PCSK1: variants seen among roughly 807,000 people sequenced by gnomAD.
PCSK1 encodes proprotein convertase subtilisin/kexin type 1.
In PCSK1, 56 loss-of-function variants were observed where a neutral mutation model predicts 90.6. The observed-to-expected ratio is 0.62, with a 90% CI of 0.50 to 0.77. PCSK1 has a LOEUF of 0.77. Among genes scored for constraint, PCSK1 ranks in the 30% least tolerant of loss-of-function variants. PCSK1 has a pLI of 0.00. For missense variants in PCSK1, 801 were observed against 932.6 expected (o/e 0.86, Z 1.84); for synonymous variants, 348 against 342.4 (o/e 1.02, Z -0.18).
At chr5:96,431,710 C>T (rs1223067339) in intron 1 of PCSK1, among the ~76,000 whole-genome samples, 1 of 152,178 alleles carries the variant, frequency 6.6e-6, no homozygotes, top group Non-Finnish European at 1.5e-5. Context: ...CTAGCAAGAG[C>T]AGGCGAATTC....
intron 3 of PCSK1, among the ~76,000 whole-genome samples, chr5:96,425,364 C>T (rs1390220824): frequency 1.3e-5 from 2 of 152,168 alleles, no homozygotes; most frequent in Non-Finnish European, 2.9e-5. Flanking sequence ...TCTTGTGTTC[C>T]TTCTTTTAAC....
intron 10 of PCSK1, 64 bp from the exon 11 acceptor site, chr5:96,399,100 A>G (rs1194705716): frequency 6.1e-6 from 7 of 1,138,250 alleles, no homozygotes; most frequent in Middle Eastern, 2.1e-4. Flanking sequence ...TTTTATGCAT[A>G]TCTGCATGCA....
rs753087192 is a variant in PCSK1, at chr5:96,393,396, A to G, written c.1885-18T>C. On this transcript the variant is annotated intron_variant, in intron 13 of 13. Coordinates refer to ENST00000311106, the MANE Select transcript of PCSK1 (RefSeq NM_000439.5). ...GGCTGCTCCTAAAACATAGAATGCC[A>G]TCCACAAAGGGAAGAAGGTTCATTA... 5 of 1,613,192 alleles carry G rather than the reference A, an allele frequency of 3.1e-6. No homozygotes were observed. The South Asian group carries it at 3.3e-5, about 11-fold the overall frequency.
At chr5:96,416,787 A>G (rs1760950556) in intron 5 of PCSK1, among the ~76,000 whole-genome samples, 1 of 152,190 alleles carries the variant, frequency 6.6e-6, no homozygotes. Context: ...CCTGAACATG[A>G]TTGGTTTTGC....
At chr5:96,396,081 C>T (rs1760130101) in intron 12 of PCSK1, among the ~76,000 whole-genome samples, 1 of 151,984 alleles carries the variant, frequency 6.6e-6, no homozygotes, top group Non-Finnish European at 1.5e-5. Flanking sequence ...AAGAACAGGC[C>T]CAGATGCTAA....
At chr5:96,403,331 T>G (rs1463862478) in intron 9 of PCSK1, among the ~76,000 whole-genome samples, 3 of 152,210 alleles carry the variant, frequency 2.0e-5, no homozygotes, top group African/African-American at 7.2e-5. Context: ...TTGTTACATA[T>G]GTACACATGT....
chr5:96,432,300 A>G, intron 1 of PCSK1: 1 of 626,334 alleles, frequency 1.6e-6, no homozygotes, highest in Non-Finnish European at 2.8e-6. Context: ...CGGCCTCCCA[A>G]CCTCCTGGTC....
intron 4 of PCSK1, 26 bp downstream of exon 4, chr5:96,423,285 TCA>T: frequency 6.3e-7 from 1 of 1,591,140 alleles, no homozygotes; most frequent in Admixed American, 1.7e-5. Flanking sequence ...GCTCCCTAAG[TCA>T]CAGTCATGAG....
chr5:96,430,255 C>G (rs929182421), intron 1 of PCSK1, among the ~76,000 whole-genome samples: 7 of 152,190 alleles, frequency 4.6e-5, no homozygotes, highest in African/African-American at 1.4e-4. Context: ...TTGAGCTAGT[C>G]TCCCTTTACT....
chr5:96,400,612 C>G (rs948113324), intron 9 of PCSK1, among the ~76,000 whole-genome samples: 1 of 152,240 alleles, frequency 6.6e-6, no homozygotes, highest in Non-Finnish European at 1.5e-5. Flanking sequence ...GAGGCCTTGA[C>G]TTCCTTCTTA....
chr5:96,397,037 AG>A (rs1760176462), intron 12 of PCSK1, among the ~76,000 whole-genome samples: 1 of 152,244 alleles, frequency 6.6e-6, no homozygotes, highest in South Asian at 2.1e-4. Context: ...TTGGCTGAAT[AG>A]GTTAGATGGC....
chr5:96,415,180 T>TA (rs757410867), intron 6 of PCSK1, among the ~76,000 whole-genome samples: 1 of 152,224 alleles, frequency 6.6e-6, no homozygotes, highest in Non-Finnish European at 1.5e-5. Flanking sequence ...TCTTCTCCAT[T>TA]AGAACATGGA....
chr5:96,406,377 C>T (rs970372627), intron 9 of PCSK1, among the ~76,000 whole-genome samples: 1 of 152,160 alleles, frequency 6.6e-6, no homozygotes, highest in African/African-American at 2.4e-5. Context: ...CCATCTACTT[C>T]CTATTATAAG....
In PCSK1 at chr5:96,400,187, C is replaced by T. The variant is rs772581035; in HGVS notation, c.1197-1G>A. 6.2e-7 allele frequency: 1 copy of T among 1,610,342 alleles called. No homozygotes were observed. The highest frequency in any genetic ancestry group is 1.1e-5 in the South Asian group (1 of 91,012). ...CATATCTCGCCAGGTGAGATTTGGGCTGGAGGGGAAGTGACCCAAAGTGTC... is the reference window on the plus strand; with the variant it reads ...CATATCTCGCCAGGTGAGATTTGGGTTGGAGGGGAAGTGACCCAAAGTGTC... On this transcript the variant is annotated splice_acceptor_variant, in intron 9 of 13. Coordinates refer to ENST00000311106, the MANE Select transcript of PCSK1 (RefSeq NM_000439.5). LOFTEE classifies it high-confidence loss of function.
At chr5:96,407,379 A>G (rs965772446) in intron 9 of PCSK1, among the ~76,000 whole-genome samples, 1 of 152,224 alleles carries the variant, frequency 6.6e-6, no homozygotes, top group Non-Finnish European at 1.5e-5. Flanking sequence ...AAATACAAGC[A>G]TATTAAAATG....
Position 96,433,034 on chromosome 5 carries a change from T to C in PCSK1, c.9A>G (p.Arg3=). The change falls in exon 1 of 14, where the codon CGA becomes CGG. Residue 3 remains arginine, a synonymous_variant. Coordinates refer to ENST00000311106, the MANE Select transcript of PCSK1 (RefSeq NM_000439.5). ...CAGTGCACTGCAGACTCCAGGCTCT[T>C]CGCTCCATAGCTCACACACTCGCTT... The part of the protein sequence containing the change: ME[R]RAWSLQCTAF... The C allele has an allele frequency of 6.2e-7, 1 of 1,614,036 alleles. No homozygotes were observed. The highest frequency in any genetic ancestry group is 8.5e-7 in the Non-Finnish European group (1 of 1,179,904).
intron 6 of PCSK1, among the ~76,000 whole-genome samples, chr5:96,412,750 ATG>A (rs1760800010): frequency 9.5e-5 from 6 of 63,410 alleles, no homozygotes; most frequent in Middle Eastern, 0.019. Flanking sequence ...GGCAGCTGTG[ATG>A]TTTTTTTTTT....
At chr5:96,428,494 G>T (rs754875304) in intron 2 of PCSK1, among the ~76,000 whole-genome samples, 4 of 152,146 alleles carry the variant, frequency 2.6e-5, no homozygotes, top group Non-Finnish European at 5.9e-5. Flanking sequence ...CTTGAAAATA[G>T]ACTTCAAAAT....
chr5:96,431,926 G>T (rs1761514295), intron 1 of PCSK1, among the ~76,000 whole-genome samples: 1 of 152,134 alleles, frequency 6.6e-6, no homozygotes. Context: ...TAGACTAGAA[G>T]TCACACTCCC....
Sources: allele counts gnomAD v4.1 joint callset (sites outside exome capture counted in the v4.1 genomes callset), GRCh38; gene constraint gnomAD v4.1.1; transcripts MANE v1.5; gene names NCBI Gene and HGNC (gene_info 2026-07-23, HGNC 2026-07-21).